The following KTN1 variants were observed in gnomAD, a reference collection of about 807,000 sequenced individuals.
KTN1 encodes kinectin 1.
Under a neutral mutation model 222.5 loss-of-function variants are expected in KTN1, and 130 were observed. The ratio of observed to expected loss-of-function variants is 0.58; its 90% CI spans 0.51 to 0.68. The LOEUF is 0.68. KTN1 is among the 30% of genes least tolerant of loss of function. The probability of loss-of-function intolerance (pLI) is 0.00; values close to 1 mark genes in which losing one functional copy is unlikely to be tolerated. For missense variants in KTN1, 1,508 were observed against 1,500.4 expected (o/e 1.01, Z -0.08); for synonymous variants, 512 against 496.3 (o/e 1.03, Z -0.42).
intron 34 of KTN1, chr14:55,668,004 G>C (rs2045020674): frequency 6.6e-6 from 1 of 151,484 alleles, no homozygotes; most frequent in Non-Finnish European, 1.5e-5. Context: ...GCACTTATCA[G>C]TACATGGCAC....
chr14:55,634,823 A>G (rs542284649), intron 9 of KTN1, among the ~76,000 whole-genome samples, 165 bp downstream of exon 9: 2 of 152,288 alleles, frequency 1.3e-5, no homozygotes, highest in East Asian at 1.9e-4. Flanking sequence ...GAAACTTACA[A>G]TCATGGCAGA....
chr14:55,680,624 T>C (rs758200626), intron 43 of KTN1: 1 of 933,510 alleles, frequency 1.1e-6, no homozygotes, highest in Middle Eastern at 2.5e-4. Flanking sequence ...AGCTTAGGTA[T>C]CCTGGAAAAG....
At chr14:55,678,517 A>C in intron 42 of KTN1, 73 bp downstream of exon 42, 1 of 874,076 alleles carries the variant, frequency 1.1e-6, no homozygotes, top group Non-Finnish European at 1.9e-6. Context: ...AAAATGTATA[A>C]GGTCCATCTC....
At chr14:55,681,105 A>G (rs2046327459) in intron 43 of KTN1, 1 of 185,766 alleles carries the variant, frequency 5.4e-6, no homozygotes, top group Admixed American at 5.4e-5. Context: ...CTCTCTATCT[A>G]CTTATTTATT....
intron 5 of KTN1, among the ~76,000 whole-genome samples, chr14:55,621,407 C>T (rs1022310063): frequency 1.3e-5 from 2 of 152,068 alleles, no homozygotes; most frequent in Non-Finnish European, 2.9e-5. Context: ...TCTATTTTCA[C>T]GTTGCTGATA....
chr14:55,645,427 A>C (rs927032494), intron 18 of KTN1, among the ~76,000 whole-genome samples: 3 of 152,190 alleles, frequency 2.0e-5, no homozygotes, highest in Non-Finnish European at 2.9e-5. Flanking sequence ...AGGATAAATG[A>C]GCATTTAGCC....
At chr14:55,592,887 C>T (rs535658585) in intron 1 of KTN1, among the ~76,000 whole-genome samples, 3 of 152,100 alleles carry the variant, frequency 2.0e-5, no homozygotes, top group Non-Finnish European at 2.9e-5. Context: ...AAAATTCTCA[C>T]CTCTTTAAAT....
At chr14:55,614,828 G>A (rs533111755) in intron 2 of KTN1, among the ~76,000 whole-genome samples, 5 of 152,196 alleles carry the variant, frequency 3.3e-5, no homozygotes, top group Admixed American at 3.3e-4. Context: ...CTTGGCAGAT[G>A]GTTGGTAGCA....
Position 55,617,949 on chromosome 14 carries a change from G to T in KTN1, c.662-15G>T. 1.3e-6 allele frequency: 2 copies of T among 1,534,750 alleles called. No homozygotes were observed. Among genetic ancestry groups the T allele is most frequent in the South Asian group, 2.5e-5 (2 of 79,786 alleles). On this transcript the variant is annotated splice_polypyrimidine_tract_variant and intron_variant, in intron 3 of 43. Coordinates refer to ENST00000395314, the MANE Select transcript of KTN1 (RefSeq NM_001079521.2). ...TAAAAATTCTAATTATGATTTTGTTGAACTTAAATTGCAGTCTTCGTAGAT... is the reference window on the plus strand; with the variant it reads ...TAAAAATTCTAATTATGATTTTGTTTAACTTAAATTGCAGTCTTCGTAGAT...
At position 55,580,278 on chromosome 14, in the gene KTN1, G is replaced by A. The variant is rs562026720; in HGVS notation, c.-107G>A. On this transcript the variant is annotated 5_prime_UTR_variant, in exon 1 of 44. Coordinates refer to ENST00000395314, the MANE Select transcript of KTN1 (RefSeq NM_001079521.2). ...TGCGGCGGCGGCGGCGGCGGCGGCG[G>A]CGCCTCGGAGCGGGCGGCCCGGGCT... The A allele has an allele frequency of 4.5e-4, 68 of 152,560 alleles. No homozygotes were observed. The highest frequency in any genetic ancestry group is 7.8e-4 in the Non-Finnish European group (56 of 71,796). The allele number at this position is 152,560 out of a possible 1,614,324, so 9.5% of individuals were successfully genotyped here.
chr14:55,665,440 A>T (rs1222077042), intron 33 of KTN1, among the ~76,000 whole-genome samples: 1 of 152,036 alleles, frequency 6.6e-6, no homozygotes, highest in Non-Finnish European at 1.5e-5. Context: ...ATAGCTAAAG[A>T]TCTACAGAGA....
chr14:55,627,203 G>C (rs1274779729), intron 5 of KTN1, among the ~76,000 whole-genome samples: 6 of 152,076 alleles, frequency 3.9e-5, no homozygotes, highest in African/African-American at 1.4e-4. Context: ...TTACTGTCTT[G>C]ACTCTGAGTT....
chr14:55,603,458 C>T (rs980893420), intron 1 of KTN1, among the ~76,000 whole-genome samples: 3 of 152,196 alleles, frequency 2.0e-5, no homozygotes, highest in Non-Finnish European at 2.9e-5. Flanking sequence ...TTACCAACCC[C>T]ATTTGACAAA....
chr14:55,679,622 C>G lies in KTN1; in HGVS notation c.4006C>G (p.Gln1336Glu). The change falls in exon 43 of 44, where the codon CAG (glutamine) becomes GAG (glutamate). Residue 1336 changes from glutamine to glutamate, a missense_variant. By Grantham distance (29) the Gln-to-Glu change is conservative. Coordinates refer to ENST00000395314, the MANE Select transcript of KTN1 (RefSeq NM_001079521.2). ...TCTAAATCAGACTGTAACACAGTTA[C>G]AGCAGTTGCTTCAGGCGGTAAACCA... Reference protein sequence around the residue: ...VSLNQTVTQLQQLLQAVNQQL... With the variant: ...VSLNQTVTQLEQLLQAVNQQL... The G allele has an allele frequency of 1.2e-6, 2 of 1,612,618 alleles. No individual in the cohort carries two copies. The highest frequency in any genetic ancestry group is 2.2e-5 in the South Asian group (2 of 91,046).
At chr14:55,657,805 T>C (rs2043661323) in intron 29 of KTN1, among the ~76,000 whole-genome samples, 1 of 151,844 alleles carries the variant, frequency 6.6e-6, no homozygotes, top group Admixed American at 6.6e-5. Flanking sequence ...TCCCAGATAC[T>C]CGGGAAGCTG....
Position 55,672,649 on chromosome 14 carries a change from CT to C in KTN1, c.3553del (p.Ser1185GlnfsTer5). The C allele has an allele frequency of 6.2e-7, 1 of 1,606,650 alleles. No individual in the cohort carries two copies. The highest frequency in any genetic ancestry group is 8.5e-7 in the Non-Finnish European group (1 of 1,173,874). On this transcript the variant is annotated frameshift_variant, in exon 38 of 44. Transcript: ENST00000395314. LOFTEE classifies it high-confidence loss of function. ...TIKQMQSSFT[S>X]SEQELERLRS... ...TTTCAGATGCAGTCATCATTTACATCTTCAGAACAAGAGCTAGAGCGATTAA... is the reference window on the plus strand; with the variant it reads ...TTTCAGATGCAGTCATCATTTACATCTCAGAACAAGAGCTAGAGCGATTAA...
chr14:55,626,464 T>C (rs915377374), intron 5 of KTN1, among the ~76,000 whole-genome samples: 1 of 152,208 alleles, frequency 6.6e-6, no homozygotes, highest in African/African-American at 2.4e-5. Flanking sequence ...ATTACTATAT[T>C]AGATTTTTAA....
chr14:55,601,879 A>T, intron 1 of KTN1: 1 of 152,286 alleles, frequency 6.6e-6, no homozygotes, highest in Non-Finnish European at 1.5e-5. Context: ...CTGGGATTAC[A>T]GGTGCGTGCC....
In KTN1 at chr14:55,580,238, C is replaced by G. The variant is rs1412473819; in HGVS notation, c.-147C>G. The G allele has an allele frequency of 2.0e-5, 3 of 149,204 alleles. No individual in the cohort carries two copies. In the South Asian group the frequency reaches 5.7e-4, roughly 28 times the overall value. The allele number at this position is 149,204 out of a possible 1,614,324, so 9.2% of individuals were successfully genotyped here. On this transcript the variant is annotated 5_prime_UTR_variant, in exon 1 of 44. Transcript: ENST00000395314. ...GCCCGTTTCCTGCCGAGCGGCGCGACGGCACCTGAGCGACTGCGGCGGCGG... is the reference window on the plus strand; with the variant it reads ...GCCCGTTTCCTGCCGAGCGGCGCGAGGGCACCTGAGCGACTGCGGCGGCGG...
Sources: gnomAD v4.1 joint callset for allele counts (sites outside exome capture counted in the v4.1 genomes callset) on GRCh38, gnomAD v4.1.1 for gene constraint, MANE v1.5 for transcripts, NCBI Gene and HGNC (gene_info 2026-07-23, HGNC 2026-07-21) for gene names.